The following EPHA7 variants were observed in gnomAD, a reference collection of about 807,000 sequenced individuals.
EPHA7 encodes the protein ephrin type-A receptor 7.
Under a neutral mutation model 112.6 loss-of-function variants are expected in EPHA7, and 25 were observed. The ratio of observed to expected loss-of-function variants is 0.22; its 90% CI spans 0.16 to 0.31. The LOEUF is 0.31. Among genes scored for constraint, EPHA7 ranks in the 10% least tolerant of loss-of-function variants. The pLI is 1.00. For missense variants in EPHA7, 962 were observed against 1,212.6 expected, an observed-to-expected ratio of 0.79 and a Z score of 3.07; for synonymous variants, 437 against 406.5, an observed-to-expected ratio of 1.07 and a Z score of -0.90.
At chr6:93,332,326 T>A (rs912207688) in intron 5 of EPHA7, among the ~76,000 whole-genome samples, 6 of 151,576 alleles carry the variant, frequency 4.0e-5, no homozygotes, top group Admixed American at 3.3e-4. Flanking sequence ...ATAAGTACAA[T>A]AATGGTAACT....
At chr6:93,365,574 T>C (rs938375396) in intron 3 of EPHA7, among the ~76,000 whole-genome samples, 2 of 152,172 alleles carry the variant, frequency 1.3e-5, no homozygotes, top group Non-Finnish European at 2.9e-5. Context: ...TATGCCTCAG[T>C]GGGAATAATT....
chr6:93,257,576 T>C, intron 11 of EPHA7, 53 bp from the exon 12 acceptor site: 1 of 1,189,240 alleles, frequency 8.4e-7, no homozygotes, highest in Non-Finnish European at 1.2e-6. Context: ...TGGAGGGTCA[T>C]TTCCTTTCTC....
intron 5 of EPHA7, among the ~76,000 whole-genome samples, chr6:93,321,361 A>G (rs1774064613): frequency 6.6e-6 from 1 of 151,908 alleles, no homozygotes; most frequent in Non-Finnish European, 1.5e-5. Flanking sequence ...ATCAATCACA[A>G]TAGGTGAGTC....
In EPHA7 at chr6:93,241,653, G is replaced by A. The variant is rs1769693426; in HGVS notation, c.*1773C>T. The stretch of plus-strand genomic sequence containing the variant: ...AAAAAAAGGGTGGGGAGGGGTTTGG[G>A]AAGCAATCCATTTGAGTTTTTCTAT... On this transcript the variant is annotated 3_prime_UTR_variant, in exon 17 of 17. Transcript: ENST00000369303. The A allele has an allele frequency of 4.5e-6, 1 of 223,482 alleles. No homozygotes were observed. Among genetic ancestry groups the A allele is most frequent in the African/African-American group, 2.2e-5 (1 of 44,686 alleles). 13.8% of individuals were successfully genotyped at this position (223,482 alleles called of 1,614,324 possible).
Position 93,297,912 on chromosome 6 carries a change from G to A in EPHA7, c.1325-25490C>T, listed in dbSNP as rs1247708827. ...CCATTATAATATTTTATATGTAATT[G>A]CCCATTGATTAGAGACGGAATTATC... On this transcript the variant is annotated intron_variant, in intron 5 of 16. Transcript: ENST00000369303. Among the ~76,000 whole-genome samples, 8 of 152,118 alleles carry A rather than the reference G, an allele frequency of 5.3e-5. No homozygotes were observed. The South Asian group carries it at 1.7e-3, about 32-fold the overall frequency.
chr6:93,338,726 C>A (rs1200535184), intron 5 of EPHA7, among the ~76,000 whole-genome samples: 1 of 151,612 alleles, frequency 6.6e-6, no homozygotes, highest in African/African-American at 2.4e-5. Context: ...GAGAGTTGAT[C>A]TTTAGAATCT....
In EPHA7 at chr6:93,410,514, T is replaced by C. The variant is rs1478342425; in HGVS notation, c.819A>G (p.Gly273=). 7 of 1,612,046 alleles carry C rather than the reference T, an allele frequency of 4.3e-6. No individual in the cohort carries two copies. Among genetic ancestry groups the C allele is most frequent in the East Asian group, 2.2e-5 (1 of 44,824 alleles). Residue 273 remains glycine (G), a synonymous_variant, in exon 3 of 17, where the codon GGA becomes GGG. Coordinates refer to ENST00000369303, the MANE Select transcript of EPHA7 (RefSeq NM_004440.4). The surrounding 1 kb of genome is among the most constrained non-coding windows in gnomAD (Gnocchi z 4.0). ...CICKAGYQQK[G]DTCEPCGRGF... is the part of the protein sequence containing the mutation. ...CACATTACTTACGTTCACAAGTGTC[T>C]CCTTTTTGCTGGTAGCCTGCTTTGC...
intron 5 of EPHA7, among the ~76,000 whole-genome samples, chr6:93,300,809 A>G (rs894205198): frequency 2.0e-5 from 3 of 152,226 alleles, no homozygotes; most frequent in Non-Finnish European, 4.4e-5. Context: ...CGATGGGAAT[A>G]CATTCTGAAT....
chr6:93,268,775 A>T (rs776197912), intron 7 of EPHA7, among the ~76,000 whole-genome samples: 6 of 151,754 alleles, frequency 4.0e-5, no homozygotes, highest in Non-Finnish European at 8.8e-5. Context: ...ATGCATTTTT[A>T]CTATAATCTT....
chr6:93,370,084 G>C (rs971798960), intron 3 of EPHA7, among the ~76,000 whole-genome samples: 1 of 152,132 alleles, frequency 6.6e-6, no homozygotes, highest in Non-Finnish European at 1.5e-5. Context: ...GATTCTGTAA[G>C]CATCCTTAAT....
At chr6:93,408,791 A>G (rs1778837662) in intron 3 of EPHA7, among the ~76,000 whole-genome samples, 2 of 152,150 alleles carry the variant, frequency 1.3e-5, no homozygotes, top group Admixed American at 1.3e-4. Context: ...TTTGAAAAGT[A>G]TATCCAATAC....
At chr6:93,369,695 C>A (rs1403250482) in intron 3 of EPHA7, among the ~76,000 whole-genome samples, 1 of 152,094 alleles carries the variant, frequency 6.6e-6, no homozygotes, top group Non-Finnish European at 1.5e-5. Flanking sequence ...ACCGTGAAAC[C>A]CTCAAGTTCA....
At chr6:93,351,205 C>T (rs1002536710) in intron 5 of EPHA7, among the ~76,000 whole-genome samples, 10 of 152,008 alleles carry the variant, frequency 6.6e-5, no homozygotes, top group African/African-American at 2.4e-4. Context: ...ACAACATAGA[C>T]GTATAAAACT....
intron 5 of EPHA7, among the ~76,000 whole-genome samples, chr6:93,308,767 A>G (rs1332004069): frequency 6.6e-6 from 1 of 151,994 alleles, no homozygotes; most frequent in Non-Finnish European, 1.5e-5. Flanking sequence ...TGTAGGTTCA[A>G]CATTTCCCAG....
chr6:93,336,281 C>T (rs181058246), intron 5 of EPHA7, among the ~76,000 whole-genome samples: 46 of 152,284 alleles, frequency 3.0e-4, no homozygotes, highest in African/African-American at 1.0e-3. Flanking sequence ...GCAAGGTATA[C>T]ATGAAAGTTT....
intron 5 of EPHA7, among the ~76,000 whole-genome samples, chr6:93,341,961 C>A (rs1264647078): frequency 2.6e-5 from 4 of 151,788 alleles, no homozygotes; most frequent in African/African-American, 9.7e-5. Flanking sequence ...GGCCTCAGAT[C>A]TCTTTCAGGG....
At position 93,299,847 on chromosome 6, in the gene EPHA7, T is replaced by A. The variant is rs73530387; in HGVS notation, c.1325-27425A>T. On this transcript the variant is annotated intron_variant, in intron 5 of 16. Coordinates refer to ENST00000369303, the MANE Select transcript of EPHA7 (RefSeq NM_004440.4). ...AGGAACTTGGATGGAGCTGGAGGAC[T>A]TTATCCTTAGCAAAGTAGCAGAGGA... is the stretch of plus-strand genomic sequence containing the variant. Among the ~76,000 whole-genome samples the A allele has an allele frequency of 1.5e-3, 235 of 152,282 alleles. 1 individual carries two copies. Among genetic ancestry groups the A allele is most frequent in the African/African-American group, 5.4e-3 (226 of 41,572 alleles).
chr6:93,272,167 T>G lies in EPHA7; in HGVS notation c.1449+131A>C, dbSNP rs551249885. The G allele has an allele frequency of 4.3e-6, 4 of 920,590 alleles. No homozygotes were observed. In the African/African-American group the frequency reaches 5.0e-5, roughly 11 times the overall value. The allele number at this position is 920,590 out of a possible 1,614,324, so 57.0% of individuals were successfully genotyped here. A position where few individuals can be genotyped will look rare whatever the true frequency, so the allele number is the denominator to read the frequency against. ...GATTCACAGAGATGGTTATTATAAA[T>G]GGCTAAAATTAACTACGAAGTTTGA... On this transcript the variant is annotated intron_variant, in intron 6 of 16. Coordinates refer to ENST00000369303, the MANE Select transcript of EPHA7 (RefSeq NM_004440.4).
At chr6:93,245,509 T>C in intron 15 of EPHA7, 56 bp from the exon 16 acceptor site, 1 of 1,557,648 alleles carries the variant, frequency 6.4e-7, no homozygotes, top group South Asian at 1.2e-5. Context: ...AAAGAAAGAA[T>C]GTTTTGGCCC....
Sources: gnomAD v4.1 joint callset for allele counts (sites outside exome capture counted in the v4.1 genomes callset) on GRCh38, gnomAD v4.1.1 for gene constraint, Gnocchi (gnomAD v3.1) non-coding constraint, MANE v1.5 for transcripts, NCBI Gene and HGNC (gene_info 2026-07-23, HGNC 2026-07-21) for gene names.